The following DLG2 variants were observed in gnomAD, a reference collection of about 807,000 sequenced individuals.
DLG2 encodes disks large homolog 2.
A neutral mutation model predicts 132.5 loss-of-function variants in DLG2; 45 were observed. That is an observed-to-expected ratio of 0.34 (90% CI 0.27 to 0.44). DLG2 has a LOEUF of 0.44. DLG2 is among the 20% of genes least tolerant of loss of function. DLG2 has a pLI of 1.00. For synonymous variants in DLG2, 424 were observed against 419.6 expected (o/e 1.01, Z -0.13); for missense variants, 1,045 against 1,196.9 (o/e 0.87, Z 1.87).
chr11:84,505,859 TC>T (rs2099237886), intron 7 of DLG2, among the ~76,000 whole-genome samples: 1 of 152,072 alleles, frequency 6.6e-6, no homozygotes, highest in African/African-American at 2.4e-5. Context: ...TATAGTTCAA[TC>T]TCATACATCT....
chr11:84,318,968 T>C (rs2098386703), intron 7 of DLG2, among the ~76,000 whole-genome samples: 1 of 152,174 alleles, frequency 6.6e-6, no homozygotes, highest in African/African-American at 2.4e-5. Flanking sequence ...ATTTTTAAAA[T>C]AATAATATTT....
At chr11:85,450,715 C>T (rs1021902656) in intron 3 of DLG2, among the ~76,000 whole-genome samples, 3 of 152,168 alleles carry the variant, frequency 2.0e-5, no homozygotes, top group African/African-American at 7.2e-5. Context: ...TGAAACTATT[C>T]GCACAAAGAT....
At chr11:84,166,966 T>C in intron 8 of DLG2, 1 of 533,434 alleles carries the variant, frequency 1.9e-6, no homozygotes, top group Middle Eastern at 3.2e-4. Flanking sequence ...CTTGGTCATA[T>C]TTTATGCTAC....
chr11:85,525,216 G>A (rs1473499627), intron 3 of DLG2, among the ~76,000 whole-genome samples: 4 of 152,244 alleles, frequency 2.6e-5, no homozygotes, highest in South Asian at 4.1e-4. Context: ...ATTTGAAAAA[G>A]TACAACACAA....
chr11:85,289,703 C>G (rs2078775231), intron 3 of DLG2, among the ~76,000 whole-genome samples: 1 of 152,228 alleles, frequency 6.6e-6, no homozygotes, highest in South Asian at 2.1e-4. Context: ...CACAGTTGAT[C>G]TTCCTATATT....
chr11:85,519,858 C>T (rs2074139831), intron 3 of DLG2, among the ~76,000 whole-genome samples: 1 of 152,078 alleles, frequency 6.6e-6, no homozygotes, highest in Non-Finnish European at 1.5e-5. Context: ...GGGGAGTTTT[C>T]CAGCACAAGC....
At chr11:84,236,078 G>A (rs1013143809) in intron 8 of DLG2, among the ~76,000 whole-genome samples, 1 of 147,456 alleles carries the variant, frequency 6.8e-6, no homozygotes, top group Non-Finnish European at 1.5e-5. Context: ...CTAAGGCTCA[G>A]AGAGCTTAAG....
chr11:85,017,124 T>C (rs1037428785), intron 6 of DLG2, among the ~76,000 whole-genome samples: 4 of 152,158 alleles, frequency 2.6e-5, no homozygotes, highest in African/African-American at 9.7e-5. Context: ...CTCTAGCCCT[T>C]TACTGGAAAA....
At chr11:83,938,696 A>T (rs963376654) in intron 14 of DLG2, among the ~76,000 whole-genome samples, 1 of 152,222 alleles carries the variant, frequency 6.6e-6, no homozygotes, top group Non-Finnish European at 1.5e-5. Context: ...ATATAGTAAA[A>T]CAATTTAAAA....
chr11:84,497,499 G>C (rs1199656593), intron 7 of DLG2, among the ~76,000 whole-genome samples: 1 of 152,046 alleles, frequency 6.6e-6, no homozygotes, highest in Non-Finnish European at 1.5e-5. Flanking sequence ...AGAGATAGGG[G>C]ATGAGGATTA....
At chr11:83,757,056 C>T (rs181114129) in intron 18 of DLG2, among the ~76,000 whole-genome samples, 24 of 152,238 alleles carry the variant, frequency 1.6e-4, no homozygotes, top group Middle Eastern at 3.4e-3. Context: ...TCCTATTCAC[C>T]GAGTGCTTAG....
intron 10 of DLG2, among the ~76,000 whole-genome samples, chr11:84,080,685 T>C (rs1011145252): frequency 6.6e-5 from 10 of 152,236 alleles, no homozygotes; most frequent in Middle Eastern, 3.4e-3. Flanking sequence ...CAATTCATTG[T>C]TTTCTGAAAG....
At chr11:83,469,432 C>T in intron 24 of DLG2, 59 bp from the exon 25 acceptor site, 1 of 1,297,040 alleles carries the variant, frequency 7.7e-7, no homozygotes, top group Non-Finnish European at 1.1e-6. Context: ...ACTTGCTTTA[C>T]ACCTATATTC....
rs188287612 is a variant in DLG2 at position 85,020,398 on chromosome 11, T to C, written c.357+91263A>G. Among the ~76,000 whole-genome samples the C allele has an allele frequency of 5.3e-5, 8 of 152,312 alleles. No homozygotes were observed. In the East Asian group the frequency reaches 1.5e-3, roughly 29 times the overall value. On this transcript the variant is annotated intron_variant, in intron 6 of 27. Transcript: ENST00000376104. ...AGATGGGTAGACTGCAAAAATTTTC[T>C]CCCATTCTGTAGGTCGCCTGTTCAC...
intron 8 of DLG2, among the ~76,000 whole-genome samples, chr11:84,164,763 GACTTT>G (rs1369009429): frequency 2.0e-5 from 3 of 152,170 alleles, no homozygotes; most frequent in Non-Finnish European, 4.4e-5. Flanking sequence ...AATGACAATG[GACTTT>G]ACTTAGGTGT....
intron 21 of DLG2, among the ~76,000 whole-genome samples, chr11:83,514,410 G>C (rs372196500): frequency 1.1e-4 from 16 of 152,058 alleles, no homozygotes; most frequent in East Asian, 3.9e-4. Flanking sequence ...AGTTGCTTAT[G>C]AGCTTAAGGA....
chr11:84,328,646 TAA>T (rs74676993), intron 7 of DLG2, among the ~76,000 whole-genome samples: 1 of 149,414 alleles, frequency 6.7e-6, no homozygotes, highest in East Asian at 1.9e-4. Flanking sequence ...ATCAAACGGT[TAA>T]AAAAAAAAGT....
At chr11:83,976,241 A>T (rs753207156) in intron 12 of DLG2, among the ~76,000 whole-genome samples, 15 of 151,966 alleles carry the variant, frequency 9.9e-5, no homozygotes, top group Non-Finnish European at 1.9e-4. Context: ...CAGCCATGAA[A>T]GCCTAAAGAA....
intron 3 of DLG2, among the ~76,000 whole-genome samples, chr11:85,443,407 GTC>G (rs1290493887): frequency 6.6e-6 from 1 of 152,192 alleles, no homozygotes; most frequent in Non-Finnish European, 1.5e-5. Flanking sequence ...AAGTCGCTTA[GTC>G]TCTCTGAGGC....
Sources: allele counts gnomAD v4.1 joint callset (sites outside exome capture counted in the v4.1 genomes callset), GRCh38; gene constraint gnomAD v4.1.1; transcripts MANE v1.5; gene names NCBI Gene and HGNC (gene_info 2026-07-23, HGNC 2026-07-21).